The following PFKFB3 variants were observed in gnomAD, a reference collection of about 807,000 sequenced individuals.
PFKFB3 encodes 6-phosphofructo-2-kinase/fructose-2,6-bisphosphatase 3.
Under a neutral mutation model 68.0 loss-of-function variants are expected in PFKFB3, and 33 were observed. The observed-to-expected ratio is 0.49, with a 90% confidence interval of 0.37 to 0.65. The LOEUF (loss-of-function observed/expected upper bound fraction) is 0.65. PFKFB3 is among the 30% of genes least tolerant of loss of function. The pLI, the probability that PFKFB3 is intolerant of heterozygous loss-of-function variation, is 0.00. For synonymous variants in PFKFB3, 315 were observed against 288.2 expected (o/e 1.09, Z -0.94); for missense variants, 586 against 712.2 (o/e 0.82, Z 2.02).
At chr10:6,179,246 A>G (rs556070869) in intron 1 of PFKFB3, among the ~76,000 whole-genome samples, 256 of 152,354 alleles carry the variant, frequency 1.7e-3, no homozygotes, top group African/African-American at 5.6e-3. Context: ...AGGAAGGGGC[A>G]GCTGGAATTT....
chr10:6,245,415 T>TTATTATTAC (rs1334843721), intron 14 of PFKFB3, among the ~76,000 whole-genome samples: 3 of 147,232 alleles, frequency 2.0e-5, no homozygotes, highest in Non-Finnish European at 4.5e-5. Flanking sequence ...ATTATTATTA[T>TTATTATTAC]TATTATTACT....
chr10:6,174,733 C>T (rs907724109), intron 1 of PFKFB3, among the ~76,000 whole-genome samples: 30 of 152,190 alleles, frequency 2.0e-4, no homozygotes, highest in Non-Finnish European at 3.5e-4. Context: ...AGCCCTCCCA[C>T]GGCTCTGCTG....
chr10:6,248,363 G>C (rs148387042), intron 14 of PFKFB3, among the ~76,000 whole-genome samples: 1 of 152,158 alleles, frequency 6.6e-6, no homozygotes, highest in Non-Finnish European at 1.5e-5. Context: ...GTTCAAGGAT[G>C]CCTGTAATCC....
At chr10:6,224,984 G>T (rs547844695) in intron 13 of PFKFB3, among the ~76,000 whole-genome samples, 1 of 151,662 alleles carries the variant, frequency 6.6e-6, no homozygotes, top group Admixed American at 6.6e-5. Context: ...GAGGCCTGGG[G>T]GGTGGCGGGT....
upstream of PFKFB3, among the ~76,000 whole-genome samples, chr10:6,201,574 G>C (rs1843355812): frequency 1.3e-5 from 2 of 151,478 alleles, no homozygotes; most frequent in African/African-American, 4.8e-5. This position sits in a 1 kb window ranked among gnomAD's most constrained non-coding sequence, Gnocchi z 4.1. Context: ...CGGGTGGGGC[G>C]GGCGCGCGGG....
the PFKFB3 span, among the ~76,000 whole-genome samples, chr10:6,303,424 T>G: frequency 1.3e-5 from 2 of 152,192 alleles, no homozygotes; most frequent in South Asian, 2.1e-4. Context: ...GGTTTCATAT[T>G]ACAATTTTTA....
chr10:6,245,099 CTT>C (rs1409093413), intron 14 of PFKFB3, among the ~76,000 whole-genome samples: 2 of 152,042 alleles, frequency 1.3e-5, no homozygotes, highest in Non-Finnish European at 2.9e-5. Context: ...GTCTAGCTCT[CTT>C]ATTTATTTAT....
rs71294418 is a variant in PFKFB3, at chr10:6,177,354, CTCTTTCTTTCTT to C, written c.16+32386_16+32397del. ...GTTTGTGGGATGTTTCTTTTCTTTT[CTCTTTCTTTCTT>C]TCTTTCTTTCTTTCTTTCTTTCTTT... On this transcript the variant is annotated intron_variant, in intron 1 of 14. Transcript: ENST00000379789. 8.5e-3 allele frequency among the ~76,000 whole-genome samples: 663 copies of C among 77,888 alleles called. 11 individuals carry two copies. Among genetic ancestry groups the C allele is most frequent in the Admixed American group, 0.028 (195 of 6,916 alleles). The allele number at this position is 77,888 out of a possible 152,430, so 51.1% of individuals were successfully genotyped here.
At chr10:6,259,582 T>C (rs11257610), downstream of PFKFB3, among the ~76,000 whole-genome samples, 7 of 135,070 alleles carry the variant, frequency 5.2e-5, no homozygotes, top group African/African-American at 8.4e-5. Flanking sequence ...ATCCATCCAC[T>C]CATCCATCCA....
chr10:6,221,628 T>G lies in PFKFB3; in HGVS notation c.979-13T>G, dbSNP rs369110496. On this transcript the variant is annotated splice_polypyrimidine_tract_variant and intron_variant, in intron 9 of 14. Transcript: ENST00000379775. ...GTGGTTTGTTCCCCTGAGTGACCAC[T>G]GGGTCCCCGCAGGGCGTCTGTGAGG... 16 of 1,609,480 alleles carry G rather than the reference T, an allele frequency of 9.9e-6. No homozygotes were observed. The highest frequency in any genetic ancestry group is 1.4e-5 in the Non-Finnish European group (16 of 1,177,930).
chr10:6,235,467 A>C lies in PFKFB3; in HGVS notation c.*2525A>C, dbSNP rs1845981181. On this transcript the variant is annotated 3_prime_UTR_variant, in exon 15 of 15. Coordinates refer to ENST00000379775, the MANE Select transcript of PFKFB3 (RefSeq NM_004566.4). ...AAAGCTATGCTAGCTTTCAAACAGG[A>C]GATGCCTTTCAGAAATTTGTATATT... 6.6e-6 allele frequency: 1 copy of C among 152,328 alleles called. No homozygotes were observed. The highest frequency in any genetic ancestry group is 2.1e-4 in the South Asian group (1 of 4,824). The allele number at this position is 152,328 out of a possible 1,614,324, so 9.4% of individuals were successfully genotyped here.
chr10:6,293,264 C>A, the PFKFB3 span: 1 of 426,188 alleles, frequency 2.3e-6, no homozygotes. Flanking sequence ...GACCTTCTGT[C>A]TGTTGATTTC....
intron 1 of PFKFB3, among the ~76,000 whole-genome samples, chr10:6,171,986 A>G (rs1374168563): frequency 2.0e-5 from 3 of 152,200 alleles, no homozygotes; most frequent in Non-Finnish European, 2.9e-5. Flanking sequence ...TTCAGAAAAC[A>G]TGAGTTGGTG....
At chr10:6,308,089 T>A in the PFKFB3 span, among the ~76,000 whole-genome samples, 1 of 152,198 alleles carries the variant, frequency 6.6e-6, no homozygotes, top group Non-Finnish European at 1.5e-5. Flanking sequence ...CTTTATGAAT[T>A]AGCCATTTTT....
intron 14 of PFKFB3, among the ~76,000 whole-genome samples, chr10:6,245,161 A>G (rs1846226547): frequency 6.6e-6 from 1 of 152,070 alleles, no homozygotes; most frequent in Non-Finnish European, 1.5e-5. Flanking sequence ...CAGTGGCACG[A>G]TCTCAGCTCA....
At chr10:6,180,230 A>ATGG (rs1842671544) in intron 1 of PFKFB3, among the ~76,000 whole-genome samples, 4 of 104,834 alleles carry the variant, frequency 3.8e-5, no homozygotes, top group Non-Finnish European at 8.5e-5. Flanking sequence ...TGGATGGAGG[A>ATGG]ATGAATGAAT....
the PFKFB3 span, chr10:6,293,324 T>C: frequency 6.2e-6 from 2 of 324,158 alleles, no homozygotes; most frequent in South Asian, 6.2e-5. Flanking sequence ...AGAACTGTCT[T>C]TCACTATGGA....
At chr10:6,159,221 C>G (rs527839643) in intron 1 of PFKFB3, among the ~76,000 whole-genome samples, 7 of 151,912 alleles carry the variant, frequency 4.6e-5, no homozygotes, top group African/African-American at 1.4e-4. Context: ...ATGGTGAAAC[C>G]CTGTTTCTAC....
chr10:6,236,597 G>A (rs956263598), downstream of PFKFB3, among the ~76,000 whole-genome samples: 4 of 152,224 alleles, frequency 2.6e-5, no homozygotes, highest in Non-Finnish European at 5.9e-5. Context: ...GCAGCGTGAC[G>A]GGGCAGAGCG....
Sources: gnomAD v4.1 joint callset for allele counts (sites outside exome capture counted in the v4.1 genomes callset) on GRCh38, gnomAD v4.1.1 for gene constraint, Gnocchi (gnomAD v3.1) non-coding constraint, MANE v1.5 for transcripts, NCBI Gene and HGNC (gene_info 2026-07-23, HGNC 2026-07-21) for gene names.